MACROD2: variants seen among roughly 807,000 people sequenced by gnomAD.
MACROD2 encodes mono-ADP ribosylhydrolase 2, also known as ADP-ribose glycohydrolase MACROD2.
In MACROD2, 36 loss-of-function variants were observed where a neutral mutation model predicts 70.4. That is an observed-to-expected ratio of 0.51 (90% CI 0.39 to 0.68). The LOEUF (loss-of-function observed/expected upper bound fraction) is 0.68, where lower values mean the gene tolerates loss of function less well. Ranked by LOEUF, MACROD2 falls within the 30% of genes least tolerant of loss-of-function variation. MACROD2 has a pLI of 0.00. For missense variants in MACROD2, 496 were observed against 538.4 expected (o/e 0.92, Z 0.78); for synonymous variants, 172 against 178.8 (o/e 0.96, Z 0.30).
At chr20:14,161,955 G>A (rs1409042512) in intron 3 of MACROD2, among the ~76,000 whole-genome samples, 1 of 152,112 alleles carries the variant, frequency 6.6e-6, no homozygotes, top group Non-Finnish European at 1.5e-5. Context: ...ATAAACATGA[G>A]TGCAGGTGTC....
chr20:15,792,477 G>A (rs6135522), intron 8 of MACROD2, among the ~76,000 whole-genome samples: 2 of 151,998 alleles, frequency 1.3e-5, no homozygotes, highest in East Asian at 3.8e-4. Context: ...ATACAAATTA[G>A]TAAGGAAAAA....
intron 5 of MACROD2, among the ~76,000 whole-genome samples, chr20:14,965,626 AAT>A (rs2074629021): frequency 7.4e-6 from 1 of 134,406 alleles, no homozygotes. Flanking sequence ...ATGCCCAGCT[AAT>A]TTTTTTTTTT....
chr20:15,537,166 C>T (rs748729881), intron 8 of MACROD2, among the ~76,000 whole-genome samples: 14 of 152,112 alleles, frequency 9.2e-5, no homozygotes, highest in East Asian at 1.9e-4. Context: ...ATAAGTCTCA[C>T]GAGATCTGAT....
intron 6 of MACROD2, among the ~76,000 whole-genome samples, chr20:15,293,861 T>TA (rs2077562388): frequency 6.6e-6 from 1 of 152,160 alleles, no homozygotes; most frequent in African/African-American, 2.4e-5. Context: ...CTCATGCCTG[T>TA]AATCCCAGCA....
intron 4 of MACROD2, among the ~76,000 whole-genome samples, chr20:14,510,304 A>G (rs1659883094): frequency 6.7e-6 from 1 of 149,976 alleles, no homozygotes; most frequent in Non-Finnish European, 1.5e-5. Flanking sequence ...TTGAGTTTTC[A>G]GAATATGTTG....
chr20:14,967,245 T>C (rs930134491), intron 5 of MACROD2, among the ~76,000 whole-genome samples: 13 of 152,288 alleles, frequency 8.5e-5, no homozygotes, highest in Non-Finnish European at 1.8e-4. Flanking sequence ...CAGGCTGGAG[T>C]GCAATGGTGC....
intron 5 of MACROD2, among the ~76,000 whole-genome samples, chr20:15,069,628 A>T (rs1263340331): frequency 6.6e-6 from 1 of 152,234 alleles, no homozygotes; most frequent in East Asian, 1.9e-4. Context: ...CTTCAGCTAT[A>T]AGGGCCCCAG....
At chr20:14,270,419 G>A (rs950277309) in intron 3 of MACROD2, among the ~76,000 whole-genome samples, 11 of 151,994 alleles carry the variant, frequency 7.2e-5, no homozygotes, top group Non-Finnish European at 1.3e-4. Flanking sequence ...TTGAAACCCT[G>A]TCTCTACTAA....
At chr20:15,816,196 G>A (rs2063872733) in intron 8 of MACROD2, among the ~76,000 whole-genome samples, 1 of 152,060 alleles carries the variant, frequency 6.6e-6, no homozygotes, top group Non-Finnish European at 1.5e-5. Flanking sequence ...GTTCATGGTA[G>A]GAAGGTCAAT....
intron 3 of MACROD2, among the ~76,000 whole-genome samples, chr20:14,136,624 G>A (rs1601264506): frequency 6.6e-6 from 1 of 152,046 alleles, no homozygotes; most frequent in African/African-American, 2.4e-5. Flanking sequence ...AAAACTCAGG[G>A]TGGGTCACAG....
intron 4 of MACROD2, among the ~76,000 whole-genome samples, chr20:14,545,657 A>C (rs2085483931): frequency 6.6e-6 from 1 of 152,216 alleles, no homozygotes; most frequent in Non-Finnish European, 1.5e-5. Context: ...GCATTTCATA[A>C]CATCTAAATG....
At chr20:15,479,255 T>TTC (rs1402658966) in intron 7 of MACROD2, among the ~76,000 whole-genome samples, 84 of 146,426 alleles carry the variant, frequency 5.7e-4, no homozygotes, top group African/African-American at 1.9e-3. Context: ...AAGTACTAGA[T>TTC]TCTCGCTCTC....
intron 6 of MACROD2, among the ~76,000 whole-genome samples, chr20:15,304,555 C>G (rs2077677630): frequency 6.6e-6 from 1 of 152,136 alleles, no homozygotes; most frequent in African/African-American, 2.4e-5. Flanking sequence ...CTCCCCATCT[C>G]TTTCTTCTTC....
intron 5 of MACROD2, among the ~76,000 whole-genome samples, chr20:14,941,363 A>G (rs957220005): frequency 2.0e-5 from 3 of 151,982 alleles, no homozygotes; most frequent in African/African-American, 7.3e-5. Context: ...TTCTTCCTCC[A>G]GGCACTACTG....
At chr20:15,362,941 GA>G (rs1181394894) in intron 6 of MACROD2, among the ~76,000 whole-genome samples, 3 of 151,302 alleles carry the variant, frequency 2.0e-5, no homozygotes, top group Non-Finnish European at 4.4e-5. Flanking sequence ...GAGAAGAGGG[GA>G]AAGGGGAGGG....
chr20:14,963,792 GGGA>G (rs1285528956), intron 5 of MACROD2, among the ~76,000 whole-genome samples: 1 of 152,080 alleles, frequency 6.6e-6, no homozygotes, highest in Non-Finnish European at 1.5e-5. Context: ...TTTGTTTCTT[GGGA>G]GGAGAAGGAT....
At position 14,497,898 on chromosome 20, in the gene MACROD2, C is replaced by T. The variant is rs1203255128; in HGVS notation, c.301+4390C>T. Among the ~76,000 whole-genome samples the T allele has an allele frequency of 4.6e-5, 7 of 151,816 alleles. 1 individual carries two copies. The highest frequency in any genetic ancestry group is 7.3e-5 in the African/African-American group (3 of 41,058). On this transcript the variant is annotated intron_variant, in intron 4 of 17. Transcript: ENST00000684519. Reference sequence around the variant, plus strand: ...CTGTTATCTATGCAGTCAGCCCCAGCTGCAATGCATGCAAAGCCATTTGTC... The same window carrying T: ...CTGTTATCTATGCAGTCAGCCCCAGTTGCAATGCATGCAAAGCCATTTGTC...
intron 5 of MACROD2, among the ~76,000 whole-genome samples, chr20:14,980,723 C>A (rs115054614): frequency 0.013 from 2,031 of 152,180 alleles, 45 homozygotes; most frequent in African/African-American, 0.047. Flanking sequence ...TAACTGGTTG[C>A]CATTTTTATT....
intron 2 of MACROD2, among the ~76,000 whole-genome samples, chr20:14,006,073 C>T (rs1003696873): frequency 2.6e-5 from 4 of 152,126 alleles, no homozygotes; most frequent in Admixed American, 6.6e-5. Flanking sequence ...GGTTTAAATA[C>T]ACAATGACTT....
Sources: gnomAD v4.1 joint callset for allele counts (sites outside exome capture counted in the v4.1 genomes callset) on GRCh38, gnomAD v4.1.1 for gene constraint, MANE v1.5 for transcripts, NCBI Gene and HGNC (gene_info 2026-07-23, HGNC 2026-07-21) for gene names.